Variants in PRKCA observed in about 807,000 individuals in gnomAD.
PRKCA encodes the protein protein kinase C alpha.
PRKCA carries 27 observed loss-of-function variants against 87.0 expected under a neutral mutation model. The observed-to-expected ratio is 0.31, with a 90% CI of 0.23 to 0.43. PRKCA has a LOEUF of 0.43. Among genes scored for constraint, PRKCA ranks in the 20% least tolerant of loss-of-function variants. PRKCA has a pLI of 1.00. For missense variants in PRKCA, 518 were observed against 852.3 expected (o/e 0.61, Z 4.88); for synonymous variants, 329 against 311.1 (o/e 1.06, Z -0.61).
At chr17:66,613,242 G>A (rs1185176153) in intron 3 of PRKCA, among the ~76,000 whole-genome samples, 1 of 152,210 alleles carries the variant, frequency 6.6e-6, no homozygotes, top group Admixed American at 6.5e-5. Flanking sequence ...TGTTGGCTCT[G>A]TGAAGAGTTG....
At chr17:66,557,100 A>G (rs906786702) in intron 3 of PRKCA, among the ~76,000 whole-genome samples, 2 of 152,160 alleles carry the variant, frequency 1.3e-5, no homozygotes, top group African/African-American at 4.8e-5. Flanking sequence ...GCTGAGAGGG[A>G]ATTTCTTCAA....
chr17:66,489,374 TATATA>T (rs1354788228), intron 2 of PRKCA, among the ~76,000 whole-genome samples: 3 of 104,210 alleles, frequency 2.9e-5, no homozygotes, highest in African/African-American at 8.8e-5. Context: ...TATATATATA[TATATA>T]TATATATATA....
rs577748609 is a variant in PRKCA, at chr17:66,406,465, G to A, written c.206-89736G>A. Among the ~76,000 whole-genome samples, 5 of 152,154 alleles carry A rather than the reference G, an allele frequency of 3.3e-5. No individual in the cohort carries two copies. The South Asian group carries it at 1.0e-3, about 32-fold the overall frequency. ...AATCCAAAATAAAACTGGTGCCCAG[G>A]TGGCTAATTATCACTTTCTGTATCA... On this transcript the variant is annotated intron_variant, in intron 2 of 16. Transcript: ENST00000413366.
At chr17:66,329,996 C>G (rs1010000249) in intron 2 of PRKCA, among the ~76,000 whole-genome samples, 17 of 152,040 alleles carry the variant, frequency 1.1e-4, no homozygotes, top group African/African-American at 4.1e-4. Flanking sequence ...TTCATCCATT[C>G]AATACCTAGT....
chr17:66,520,465 A>G (rs1057206825), intron 3 of PRKCA, among the ~76,000 whole-genome samples: 1 of 151,806 alleles, frequency 6.6e-6, no homozygotes, highest in African/African-American at 2.4e-5. Context: ...GGGTCTTGCT[A>G]TGTTGCCCAG....
At chr17:66,352,668 AT>A (rs1369178255) in intron 2 of PRKCA, among the ~76,000 whole-genome samples, 4 of 136,024 alleles carry the variant, frequency 2.9e-5, no homozygotes, top group Non-Finnish European at 6.1e-5. Context: ...GGTTCAAGTG[AT>A]TCTCCTGCCT....
At chr17:66,587,280 A>G (rs1449925429) in intron 3 of PRKCA, among the ~76,000 whole-genome samples, 1 of 152,176 alleles carries the variant, frequency 6.6e-6, no homozygotes, top group Non-Finnish European at 1.5e-5. Context: ...AAGGTATCCC[A>G]AAGTTGATGT....
chr17:66,724,515 G>A lies in PRKCA; in HGVS notation c.919-8173G>A, dbSNP rs551720939. Among the ~76,000 whole-genome samples, 7 of 152,312 alleles carry A rather than the reference G, an allele frequency of 4.6e-5. No homozygotes were observed. In the South Asian group the frequency reaches 1.2e-3, roughly 27 times the overall value. ...AGATTTGGGACACATCAGCAGGAGC[G>A]TTTCTAATGAGTTAATATCTGCTTG... On this transcript the variant is annotated intron_variant, in intron 8 of 16. Coordinates refer to ENST00000413366, the MANE Select transcript of PRKCA (RefSeq NM_002737.3).
At chr17:66,609,377 A>G (rs1467985375) in intron 3 of PRKCA, among the ~76,000 whole-genome samples, 2 of 152,172 alleles carry the variant, frequency 1.3e-5, no homozygotes, top group East Asian at 1.9e-4. Context: ...AGGTGCTGAA[A>G]AGTGTAATGC....
At chr17:66,613,088 C>G (rs189814853) in intron 3 of PRKCA, among the ~76,000 whole-genome samples, 12 of 152,268 alleles carry the variant, frequency 7.9e-5, no homozygotes, top group Non-Finnish European at 1.3e-4. Context: ...AATCTTATCC[C>G]CAAATCTAAT....
chr17:66,786,366 A>G (rs1975392984), intron 14 of PRKCA, among the ~76,000 whole-genome samples: 1 of 152,200 alleles, frequency 6.6e-6, no homozygotes, highest in Non-Finnish European at 1.5e-5. Flanking sequence ...GCCCTCCCTC[A>G]GAGCAGCTGC....
intron 2 of PRKCA, among the ~76,000 whole-genome samples, chr17:66,345,851 T>C (rs149714297): frequency 6.6e-6 from 1 of 152,264 alleles, no homozygotes; most frequent in East Asian, 1.9e-4. Context: ...TAATAAAAAA[T>C]GCAGTTAGGT....
At chr17:66,761,603 C>T (rs1241725647) in intron 13 of PRKCA, among the ~76,000 whole-genome samples, 1 of 151,710 alleles carries the variant, frequency 6.6e-6, no homozygotes, top group African/African-American at 2.4e-5. Context: ...ATTACAGGCA[C>T]TTACCACCAC....
At chr17:66,603,418 A>G (rs1486816737) in intron 3 of PRKCA, among the ~76,000 whole-genome samples, 1 of 152,202 alleles carries the variant, frequency 6.6e-6, no homozygotes, top group Non-Finnish European at 1.5e-5. Flanking sequence ...GGAGAAGTAA[A>G]GAATTTTCAA....
intron 13 of PRKCA, among the ~76,000 whole-genome samples, chr17:66,748,425 G>A (rs2144255526): frequency 6.6e-6 from 1 of 152,314 alleles, no homozygotes; most frequent in South Asian, 2.1e-4. Context: ...TAATATTTGG[G>A]GGGAGCATAT....
rs1216318820 is a variant in PRKCA at position 66,782,908 on chromosome 17, T to C, written c.1606-3959T>C. 2.6e-5 allele frequency among the ~76,000 whole-genome samples: 4 copies of C among 152,186 alleles called. No homozygotes were observed. In the East Asian group the frequency reaches 7.7e-4, roughly 29 times the overall value. ...TTAGCACCTGTGTCCTGAGACTGAT[T>C]TGCGGAGTGAGCAGTGCCACCCAAG... On this transcript the variant is annotated intron_variant, in intron 14 of 16. Transcript: ENST00000413366.
At chr17:66,417,505 G>A (rs897634586) in intron 2 of PRKCA, among the ~76,000 whole-genome samples, 1 of 151,982 alleles carries the variant, frequency 6.6e-6, no homozygotes, top group Non-Finnish European at 1.5e-5. Flanking sequence ...ATTTCTGCTT[G>A]TAGAGACTTG....
chr17:66,477,422 G>A (rs1021248106), intron 2 of PRKCA, among the ~76,000 whole-genome samples: 6 of 152,088 alleles, frequency 3.9e-5, no homozygotes, highest in South Asian at 2.1e-4. Flanking sequence ...CTTTGTGGCC[G>A]AGCGCGGTGG....
intron 2 of PRKCA, among the ~76,000 whole-genome samples, chr17:66,383,461 G>T (rs1909882214): frequency 6.6e-6 from 1 of 151,840 alleles, no homozygotes; most frequent in Non-Finnish European, 1.5e-5. Flanking sequence ...TAATGCTTTT[G>T]TGTGGGAGAA....
Sources: gnomAD v4.1 joint callset for allele counts (sites outside exome capture counted in the v4.1 genomes callset) on GRCh38, gnomAD v4.1.1 for gene constraint, MANE v1.5 for transcripts, NCBI Gene and HGNC (gene_info 2026-07-23, HGNC 2026-07-21) for gene names.